Variants in KRAS observed in about 807,000 individuals in gnomAD.
KRAS encodes GTPase KRas.
In KRAS, 1 loss-of-function variant was observed where a neutral mutation model predicts 21.0. The observed-to-expected ratio is 0.05, with a 90% CI of 0.02 to 0.23. The LOEUF is 0.23. Ranked by LOEUF, KRAS falls within the 10% of genes least tolerant of loss-of-function variation. The pLI is 1.00. For synonymous variants in KRAS, 67 were observed against 72.5 expected (o/e 0.92, Z 0.39); for missense variants, 107 against 221.8 (o/e 0.48, Z 3.29).
intron 4 of KRAS, among the ~76,000 whole-genome samples, chr12:25,216,582 A>C (rs1951258498): frequency 6.6e-6 from 1 of 152,214 alleles, no homozygotes; most frequent in South Asian, 2.1e-4. Flanking sequence ...CCTTACTACA[A>C]GTCTTAAAAA....
At chr12:25,236,842 T>A (rs1326501564) in intron 2 of KRAS, among the ~76,000 whole-genome samples, 3 of 152,032 alleles carry the variant, frequency 2.0e-5, no homozygotes, top group African/African-American at 7.3e-5. Flanking sequence ...TGGCAGTTCC[T>A]CAAAAAGTCA....
intron 4 of KRAS, among the ~76,000 whole-genome samples, chr12:25,218,893 A>T (rs965829583): frequency 6.6e-6 from 1 of 151,654 alleles, no homozygotes. Context: ...TTGTTGCCAC[A>T]TATACTCATT....
chr12:25,244,149 A>C (rs1016483084), intron 2 of KRAS, among the ~76,000 whole-genome samples: 1 of 152,208 alleles, frequency 6.6e-6, no homozygotes, highest in Non-Finnish European at 1.5e-5. Context: ...TCTTCAAGAC[A>C]CTACACAGTA....
At chr12:25,232,301 T>C (rs1020018239) in intron 2 of KRAS, among the ~76,000 whole-genome samples, 1 of 152,162 alleles carries the variant, frequency 6.6e-6, no homozygotes, top group Non-Finnish European at 1.5e-5. Context: ...AAATAGCTGT[T>C]TAAAAAAACA....
intron 4 of KRAS, among the ~76,000 whole-genome samples, chr12:25,223,692 A>G (rs1951354949): frequency 6.6e-6 from 1 of 152,228 alleles, no homozygotes; most frequent in Non-Finnish European, 1.5e-5. Context: ...AGGGAAATAC[A>G]ACATATATAT....
At chr12:25,250,241 G>A (rs1410335502) in intron 1 of KRAS, among the ~76,000 whole-genome samples, 2 of 152,170 alleles carry the variant, frequency 1.3e-5, no homozygotes, top group South Asian at 2.1e-4. Flanking sequence ...TGCGCTCGAG[G>A]GAGAAGTTTA....
At chr12:25,247,979 C>T (rs1173630109) in intron 1 of KRAS, among the ~76,000 whole-genome samples, 1 of 151,838 alleles carries the variant, frequency 6.6e-6, no homozygotes, top group Non-Finnish European at 1.5e-5. Flanking sequence ...ATTTCCAATA[C>T]GGTAAATATT....
intron 1 of KRAS, among the ~76,000 whole-genome samples, chr12:25,247,137 T>C (rs1213742802): frequency 6.6e-6 from 1 of 152,162 alleles, no homozygotes; most frequent in Non-Finnish European, 1.5e-5. Context: ...ATGTAACACA[T>C]AATTATAAAT....
intron 2 of KRAS, among the ~76,000 whole-genome samples, chr12:25,235,730 G>A (rs573534411): frequency 6.6e-6 from 1 of 152,278 alleles, no homozygotes; most frequent in African/African-American, 2.4e-5. Flanking sequence ...ACAGCATGTT[G>A]AGGACACAGA....
In KRAS at chr12:25,209,825, CTTT is replaced by C. The variant is rs1373386042; in HGVS notation, c.534_536del (p.Lys180del). ...TAATTACACACTTTGTCTTTGACTT[CTTT>C]TTCTTCTTTTTACCATCTTTGCTCA... is the stretch of plus-strand genomic sequence containing the variant. On this transcript the variant is annotated inframe_deletion, in exon 5 of 5. Transcript: ENST00000311936. 6.2e-7 allele frequency: 1 copy of C among 1,609,596 alleles called. No individual in the cohort carries two copies. Among genetic ancestry groups the C allele is most frequent in the Non-Finnish European group, 8.5e-7 (1 of 1,176,844 alleles).
intron 4 of KRAS, among the ~76,000 whole-genome samples, chr12:25,219,037 C>G (rs1199219964): frequency 6.6e-6 from 1 of 151,490 alleles, no homozygotes; most frequent in African/African-American, 2.4e-5. Flanking sequence ...CCTCCGGGTT[C>G]AAGCGATTCT....
chr12:25,215,567 T>C (rs747607042), intron 4 of KRAS: 2 of 1,606,870 alleles, frequency 1.2e-6, no homozygotes, highest in African/African-American at 2.7e-5. Context: ...CTCTCTGCAT[T>C]GTAAAACACA....
chr12:25,250,909 G>A lies in KRAS; in HGVS notation c.-170C>T, dbSNP rs919201352. On this transcript the variant is annotated 5_prime_UTR_variant, in exon 1 of 5. Transcript: ENST00000311936. ...CACTGCCGCCGCCGCTGCTGCCTCC[G>A]CCGCCGCGGCCGCCGCCTAGGAAAA... 3 of 249,406 alleles carry A rather than the reference G, an allele frequency of 1.2e-5. No homozygotes were observed. The highest frequency in any genetic ancestry group is 2.2e-5 in the African/African-American group (1 of 44,656). 15.4% of individuals were successfully genotyped at this position (249,406 alleles called of 1,614,324 possible). A position where few individuals can be genotyped will look rare whatever the true frequency, so the allele number is the denominator to read the frequency against.
At chr12:25,219,175 A>T (rs61762431) in intron 4 of KRAS, among the ~76,000 whole-genome samples, 9,386 of 152,138 alleles carry the variant, frequency 0.062, 389 homozygotes, top group Non-Finnish European at 0.093. Flanking sequence ...TGACCTTGTG[A>T]TCCGCCTGCC....
intron 4 of KRAS, among the ~76,000 whole-genome samples, chr12:25,221,017 T>G (rs1592803051): frequency 1.2e-5 from 1 of 86,608 alleles, no homozygotes; most frequent in Non-Finnish European, 2.1e-5. Flanking sequence ...AGAGGGAGAC[T>G]CTGCCTCAAA....
rs759430622 is a variant in KRAS at position 25,209,758 on chromosome 12, G to C, written c.*37C>G. On this transcript the variant is annotated 3_prime_UTR_variant, in exon 5 of 5. Transcript: ENST00000311936. ...GTGTAATGTACAAAAATTACCACTT[G>C]TACTAGTATGCCTTAAGAAAAAAGT... 1.2e-6 allele frequency: 2 copies of C among 1,600,704 alleles called. No individual in the cohort carries two copies. The highest frequency in any genetic ancestry group is 1.7e-6 in the Non-Finnish European group (2 of 1,172,338).
chr12:25,236,068 C>T (rs1951541743), intron 2 of KRAS, among the ~76,000 whole-genome samples: 1 of 151,950 alleles, frequency 6.6e-6, no homozygotes, highest in Admixed American at 6.6e-5. Context: ...GGTACCAGTC[C>T]GCAGTCCAGG....
rs557660182 is a variant in KRAS at position 25,208,657 on chromosome 12, G to A, written c.*1138C>T. 4.3e-6 allele frequency: 1 copy of A among 232,860 alleles called. No individual in the cohort carries two copies. Among genetic ancestry groups the A allele is most frequent in the African/African-American group, 2.2e-5 (1 of 45,416 alleles). The allele number at this position is 232,860 out of a possible 1,614,324, so 14.4% of individuals were successfully genotyped here. On this transcript the variant is annotated 3_prime_UTR_variant, in exon 5 of 5. Transcript: ENST00000311936. Reference sequence around the variant, plus strand: ...AGCAGGACCACCACAGAGTGAGATTGTATCTTGTTGAGCTATCCAAACTGC... The same window carrying A: ...AGCAGGACCACCACAGAGTGAGATTATATCTTGTTGAGCTATCCAAACTGC...
In KRAS at chr12:25,250,767, G is replaced by A. The variant is rs914973005; in HGVS notation, c.-28C>T. The A allele has an allele frequency of 2.5e-5, 5 of 201,928 alleles. No homozygotes were observed. The highest frequency in any genetic ancestry group is 1.6e-4 in the South Asian group (1 of 6,340). The allele number at this position is 201,928 out of a possible 1,614,324, so 12.5% of individuals were successfully genotyped here. ...GCTCCGTACCTCTCTCCCGCACCTG[G>A]GAGCCGCTGAGCCTCTGGCCCCGCC... On this transcript the variant is annotated 5_prime_UTR_variant, in exon 1 of 5. Transcript: ENST00000311936.
Sources: gnomAD v4.1 joint callset for allele counts (sites outside exome capture counted in the v4.1 genomes callset) on GRCh38, gnomAD v4.1.1 for gene constraint, MANE v1.5 for transcripts, NCBI Gene and HGNC (gene_info 2026-07-23, HGNC 2026-07-21) for gene names.